The following GPATCH2 variants were observed in gnomAD, a reference collection of about 807,000 sequenced individuals.
GPATCH2 encodes the protein G-patch domain containing 2.
Under a neutral mutation model 58.0 loss-of-function variants are expected in GPATCH2, and 51 were observed. That is an observed-to-expected ratio of 0.88 (90% CI 0.70 to 1.11). The LOEUF is 1.11. Ranked by LOEUF, GPATCH2 falls within the 50% of genes most tolerant of loss-of-function variation. The probability of loss-of-function intolerance (pLI) is 0.00; values close to 1 mark genes in which losing one functional copy is unlikely to be tolerated. For synonymous variants in GPATCH2, 222 were observed against 218.5 expected, an observed-to-expected ratio of 1.02 and a Z score of -0.14; for missense variants, 625 against 652.2, an observed-to-expected ratio of 0.96 and a Z score of 0.45.
chr1:217,600,359 G>C (rs534237705), intron 5 of GPATCH2, among the ~76,000 whole-genome samples: 2 of 152,124 alleles, frequency 1.3e-5, no homozygotes, highest in East Asian at 3.9e-4. Flanking sequence ...TCTAACTATA[G>C]TAAAGAAAAC....
chr1:217,533,553 G>T (rs1306547531), intron 5 of GPATCH2, among the ~76,000 whole-genome samples: 1 of 152,188 alleles, frequency 6.6e-6, no homozygotes. Flanking sequence ...TCCAAGTGTG[G>T]TTCTCAGACT....
chr1:217,533,208 C>T (rs2102627299), intron 5 of GPATCH2, among the ~76,000 whole-genome samples: 1 of 152,108 alleles, frequency 6.6e-6, no homozygotes, highest in East Asian at 1.9e-4. Flanking sequence ...CACACCCAGC[C>T]TGCTCTTTTC....
chr1:217,507,389 G>T (rs1327511017), intron 6 of GPATCH2, among the ~76,000 whole-genome samples: 1 of 152,106 alleles, frequency 6.6e-6, no homozygotes, highest in African/African-American at 2.4e-5. Flanking sequence ...TTTATTTCTT[G>T]TATTAAACTG....
At chr1:217,498,451 C>T in intron 6 of GPATCH2, 56 bp from the exon 7 acceptor site, 1 of 1,317,952 alleles carries the variant, frequency 7.6e-7, no homozygotes, top group Non-Finnish European at 1.1e-6. Context: ...CACGTGCTCT[C>T]ACATGATCGA....
intron 5 of GPATCH2, among the ~76,000 whole-genome samples, chr1:217,588,444 T>C (rs777174843): frequency 6.6e-6 from 1 of 152,178 alleles, no homozygotes; most frequent in Non-Finnish European, 1.5e-5. Flanking sequence ...ATTATGACTA[T>C]CAGGATGATC....
At chr1:217,521,358 C>CAAAAAAAAAAAAAAAAAAAAAAAA (rs35333815) in intron 5 of GPATCH2, among the ~76,000 whole-genome samples, 1 of 101,166 alleles carries the variant, frequency 9.9e-6, no homozygotes. Flanking sequence ...AGGGAGACTG[C>CAAAAAAAAAAAAAAAAAAAAAAAA]AAAAAAAAAA....
chr1:217,535,756 C>A (rs1472206763), intron 5 of GPATCH2, among the ~76,000 whole-genome samples: 2 of 152,144 alleles, frequency 1.3e-5, no homozygotes, highest in Non-Finnish European at 2.9e-5. Context: ...AATGAATAGA[C>A]AACTGACTCC....
intron 5 of GPATCH2, among the ~76,000 whole-genome samples, chr1:217,522,197 T>G (rs544970270): frequency 6.6e-6 from 1 of 152,174 alleles, no homozygotes; most frequent in Non-Finnish European, 1.5e-5. Flanking sequence ...GAATTTAGAA[T>G]TATTGGTCTA....
At chr1:217,565,471 TATC>T (rs1666176912) in intron 5 of GPATCH2, among the ~76,000 whole-genome samples, 1 of 152,194 alleles carries the variant, frequency 6.6e-6, no homozygotes, top group South Asian at 2.1e-4. Flanking sequence ...TTATTTCACT[TATC>T]ATAATAGTGA....
chr1:217,452,801 AAGG>A (rs1659730536), intron 8 of GPATCH2, among the ~76,000 whole-genome samples: 1 of 152,186 alleles, frequency 6.6e-6, no homozygotes, highest in Non-Finnish European at 1.5e-5. Flanking sequence ...AAAAATGTTC[AAGG>A]AGAATAAAGT....
intron 5 of GPATCH2, among the ~76,000 whole-genome samples, chr1:217,515,526 G>T (rs1177873598): frequency 6.6e-6 from 1 of 151,976 alleles, no homozygotes; most frequent in Non-Finnish European, 1.5e-5. Flanking sequence ...TGGACAACAC[G>T]GTGAAACCCC....
chr1:217,601,024 C>A (rs1668079859), intron 5 of GPATCH2, among the ~76,000 whole-genome samples: 1 of 151,974 alleles, frequency 6.6e-6, no homozygotes, highest in African/African-American at 2.4e-5. Flanking sequence ...AATTTGTATG[C>A]AAATACTAAA....
In GPATCH2 at chr1:217,472,727, CTCTT is replaced by C. The variant is rs1358673508; in HGVS notation, c.1277+18949_1277+18952del. Among the ~76,000 whole-genome samples the C allele has an allele frequency of 1.3e-4, 20 of 152,264 alleles. No homozygotes were observed. The East Asian group carries it at 1.5e-3, about 12-fold the overall frequency. On this transcript the variant is annotated intron_variant, in intron 8 of 9. Coordinates refer to ENST00000366935, the MANE Select transcript of GPATCH2 (RefSeq NM_018040.5). ...AAATGAGGTGATAGCAGTGGGAAAG[CTCTT>C]TCTAATTTTGAGAAGCATAAAATTA...
At chr1:217,478,800 CAAAAG>C (rs1229408277) in intron 8 of GPATCH2, among the ~76,000 whole-genome samples, 2 of 151,858 alleles carry the variant, frequency 1.3e-5, no homozygotes, top group Non-Finnish European at 2.9e-5. Context: ...CAGATTTAAC[CAAAAG>C]AAAACTACCT....
intron 2 of GPATCH2, among the ~76,000 whole-genome samples, chr1:217,619,428 C>T (rs1236970973): frequency 2.0e-5 from 3 of 152,058 alleles, no homozygotes; most frequent in African/African-American, 7.2e-5. Flanking sequence ...CTATAAAGTA[C>T]CAAAAGCTAA....
chr1:217,582,957 C>A (rs997802563), intron 5 of GPATCH2, among the ~76,000 whole-genome samples: 4 of 152,148 alleles, frequency 2.6e-5, no homozygotes, highest in Non-Finnish European at 4.4e-5. Context: ...TTACAGCTAA[C>A]CTTATTACAA....
chr1:217,513,009 G>T (rs1438113705), intron 6 of GPATCH2, among the ~76,000 whole-genome samples: 1 of 152,128 alleles, frequency 6.6e-6, no homozygotes, highest in African/African-American at 2.4e-5. Context: ...CCTACCTTAG[G>T]CCAGGCGCGG....
At chr1:217,577,531 T>A (rs1666861430) in intron 5 of GPATCH2, among the ~76,000 whole-genome samples, 1 of 152,166 alleles carries the variant, frequency 6.6e-6, no homozygotes, top group Non-Finnish European at 1.5e-5. Flanking sequence ...TGCATAATAT[T>A]TAATTAGTAT....
intron 8 of GPATCH2, among the ~76,000 whole-genome samples, chr1:217,482,778 A>T (rs946586212): frequency 6.6e-6 from 1 of 152,216 alleles, no homozygotes; most frequent in South Asian, 2.1e-4. Context: ...TCAAATCCTT[A>T]AAGTATACAA....
Sources: gnomAD v4.1 joint callset for allele counts (sites outside exome capture counted in the v4.1 genomes callset) on GRCh38, gnomAD v4.1.1 for gene constraint, MANE v1.5 for transcripts, NCBI Gene and HGNC (gene_info 2026-07-23, HGNC 2026-07-21) for gene names.